The following DIP2A variants were observed in gnomAD, a reference collection of about 807,000 sequenced individuals.
DIP2A encodes DIP2 acetate--CoA ligase A.
A neutral mutation model predicts 177.4 loss-of-function variants in DIP2A; 85 were observed. That is an observed-to-expected ratio of 0.48 (90% CI 0.40 to 0.57). The LOEUF is 0.57. DIP2A is among the 20% of genes least tolerant of loss of function. The probability of loss-of-function intolerance (pLI) is 0.00; values close to 1 mark genes in which losing one functional copy is unlikely to be tolerated. For missense variants in DIP2A, 1,791 were observed against 2,100.2 expected (o/e 0.85, Z 2.88); for synonymous variants, 886 against 881.8 (o/e 1.00, Z -0.08).
intron 3 of DIP2A, among the ~76,000 whole-genome samples, chr21:46,495,143 CCCTT>C (rs1412356337): frequency 6.6e-6 from 1 of 151,768 alleles, no homozygotes; most frequent in African/African-American, 2.4e-5. Context: ...CTCCCTCCCT[CCCTT>C]CCCTCCATCC....
At position 46,549,774 on chromosome 21, in the gene DIP2A, C is replaced by T. The variant is rs535428734; in HGVS notation, c.2526C>T (p.Ile842=). 4.2e-5 allele frequency: 68 copies of T among 1,613,704 alleles called. No individual in the cohort carries two copies. Among genetic ancestry groups the T allele is most frequent in the Admixed American group, 1.2e-4 (7 of 60,026 alleles). The part of the protein sequence containing the change: ...EPMKFVYRGR[I]AVFSVTVLHD... Reference sequence around the variant, plus strand: ...ATTTCCATGTCTCATCCCGCAGGATCGCTGTGTTCTCTGTGACCGTGCTGC... The same window carrying T: ...ATTTCCATGTCTCATCCCGCAGGATTGCTGTGTTCTCTGTGACCGTGCTGC... The change falls in exon 22 of 38, where the codon ATC becomes ATT. Residue 842 remains isoleucine (I), a synonymous_variant. Coordinates refer to ENST00000417564, the MANE Select transcript of DIP2A (RefSeq NM_015151.4).
chr21:46,549,872 G>C lies in DIP2A; in HGVS notation c.2624G>C (p.Ser875Thr), dbSNP rs1471300366. 6.2e-7 allele frequency: 1 copy of C among 1,611,560 alleles called. No homozygotes were observed. Among genetic ancestry groups the C allele is most frequent in the African/African-American group, 1.3e-5 (1 of 74,940 alleles). The change falls in exon 22 of 38, where the codon AGC (serine) becomes ACC (threonine). Residue 875 changes from serine (S) to threonine (T), a missense_variant. Physicochemically the swap from Ser to Thr is moderately conservative, Grantham distance 58 (BLOSUM62 1). Coordinates refer to ENST00000417564, the MANE Select transcript of DIP2A (RefSeq NM_015151.4). ...GAGGAGGACAGCTTCCAGTGGATGA[G>C]CCGTGTGCTGCAGGTGGGCGCCCCG... ...ASEEDSFQWM[S>T]RVLQAIDSIH...
At chr21:46,461,662 T>C (rs1277365609) in intron 1 of DIP2A, among the ~76,000 whole-genome samples, 1 of 152,196 alleles carries the variant, frequency 6.6e-6, no homozygotes, top group Non-Finnish European at 1.5e-5. Flanking sequence ...GCTATTGTCA[T>C]CTTAGAGATA....
chr21:46,515,632 G>A (rs899756079), intron 8 of DIP2A, among the ~76,000 whole-genome samples: 6 of 152,004 alleles, frequency 3.9e-5, no homozygotes, highest in Non-Finnish European at 2.9e-5. Flanking sequence ...CACCCCCCAG[G>A]CTCAGGTGAT....
Position 46,515,788 on chromosome 21 carries a change from T to TC in DIP2A, c.1102+4177dup, listed in dbSNP as rs542718818. Among the ~76,000 whole-genome samples, 7 of 152,224 alleles carry TC rather than the reference T, an allele frequency of 4.6e-5. No homozygotes were observed. In the South Asian group the frequency reaches 1.4e-3, roughly 32 times the overall value. ...CCTGAGCTCAAGCAGTCTGCCGGCC[T>TC]CCCTCCCAAAGTGCTGGGATTACAG... On this transcript the variant is annotated intron_variant, in intron 8 of 37. Coordinates refer to ENST00000417564, the MANE Select transcript of DIP2A (RefSeq NM_015151.4).
intron 34 of DIP2A, among the ~76,000 whole-genome samples, chr21:46,562,835 G>A (rs1304194128): frequency 6.6e-6 from 1 of 152,180 alleles, no homozygotes; most frequent in East Asian, 1.9e-4. Context: ...GTGGGCTGCT[G>A]CACGTCCTCC....
chr21:46,519,920 G>T (rs2058751109), intron 8 of DIP2A, among the ~76,000 whole-genome samples: 2 of 126,740 alleles, frequency 1.6e-5, no homozygotes, highest in Admixed American at 9.6e-5. Flanking sequence ...TGCTGCTCAG[G>T]CTGGAGTGCA....
At chr21:46,542,187 G>GT (rs1278212997) in intron 18 of DIP2A, among the ~76,000 whole-genome samples, 1 of 152,174 alleles carries the variant, frequency 6.6e-6, no homozygotes, top group Admixed American at 6.5e-5. Context: ...TATTTGCTCA[G>GT]TTTTTTCCCT....
At chr21:46,465,232 A>G (rs938565306) in intron 1 of DIP2A, among the ~76,000 whole-genome samples, 1 of 151,986 alleles carries the variant, frequency 6.6e-6, no homozygotes, top group African/African-American at 2.4e-5. Flanking sequence ...TTCAGTAATT[A>G]TTCAGTGTCC....
At chr21:46,544,305 C>G (rs1246380716) in intron 18 of DIP2A, among the ~76,000 whole-genome samples, 6 of 152,088 alleles carry the variant, frequency 3.9e-5, no homozygotes, top group Admixed American at 3.3e-4. Flanking sequence ...CGCACATGTA[C>G]AAATTGGCCC....
At chr21:46,546,060 C>T (rs1373263774) in intron 20 of DIP2A, 99 bp downstream of exon 20, 1 of 1,588,452 alleles carries the variant, frequency 6.3e-7, no homozygotes, top group Non-Finnish European at 8.6e-7. Context: ...CTGGCCGTTC[C>T]TGACCTCCCA....
chr21:46,553,081 G>A (rs1011501716), intron 25 of DIP2A: 12 of 152,418 alleles, frequency 7.9e-5, no homozygotes, highest in African/African-American at 2.9e-4. Context: ...GGGGGTCGCT[G>A]GGTTTTCCCT....
At chr21:46,459,438 C>A (rs1222823779) in intron 1 of DIP2A, among the ~76,000 whole-genome samples, 2 of 149,998 alleles carry the variant, frequency 1.3e-5, no homozygotes, top group African/African-American at 4.9e-5. Context: ...AGACACCGTT[C>A]CTCAACCCTA....
chr21:46,507,438 G>T (rs1311130931), intron 6 of DIP2A, among the ~76,000 whole-genome samples: 1 of 152,110 alleles, frequency 6.6e-6, no homozygotes, highest in African/African-American at 2.4e-5. Flanking sequence ...TGGGTATTCA[G>T]TTGTTCTAGC....
At chr21:46,581,155 T>C in the DIP2A span, among the ~76,000 whole-genome samples, 1 of 152,238 alleles carries the variant, frequency 6.6e-6, no homozygotes, top group African/African-American at 2.4e-5. Context: ...TTCATTCTTT[T>C]TTCTTTAATC....
intron 5 of DIP2A, among the ~76,000 whole-genome samples, chr21:46,499,230 T>G (rs2057522735): frequency 6.6e-6 from 1 of 152,178 alleles, no homozygotes; most frequent in African/African-American, 2.4e-5. Flanking sequence ...AATTTGGCAG[T>G]CCTAGTCCTT....
rs370197626 is a variant in DIP2A, at chr21:46,567,336, T to C, written c.4464-34T>C. 1.9e-6 allele frequency: 3 copies of C among 1,594,498 alleles called. No individual in the cohort carries two copies. In the African/African-American group the frequency reaches 4.0e-5, roughly 21 times the overall value. On this transcript the variant is annotated intron_variant, in intron 37 of 37. Coordinates refer to ENST00000417564, the MANE Select transcript of DIP2A (RefSeq NM_015151.4). ...CATTGGCCCCTGTGACCTGTGCCTG[T>C]ATCCATGTGACCCAGTCTGTCTTCT...
At chr21:46,495,240 TTCTTTCTCTCTCTCTCTC>T (rs2057272606) in intron 3 of DIP2A, among the ~76,000 whole-genome samples, 11 of 47,916 alleles carry the variant, frequency 2.3e-4, no homozygotes, top group African/African-American at 1.3e-3. Flanking sequence ...TTCTCTTCTC[TTCTTTCTCTCTCTCTCTC>T]TCTCTCTCTC....
In DIP2A at chr21:46,567,599, A is replaced by G; in HGVS notation, c.4693A>G (p.Ile1565Val). 6.2e-7 allele frequency: 1 copy of G among 1,605,588 alleles called. No homozygotes were observed. The highest frequency in any genetic ancestry group is 8.5e-7 in the Non-Finnish European group (1 of 1,175,176). Residue 1565 changes from isoleucine to valine, a missense_variant, in exon 38 of 38, where the codon ATC becomes GTC. Coordinates refer to ENST00000417564, the MANE Select transcript of DIP2A (RefSeq NM_015151.4). Reference sequence around the variant, plus strand: ...CTTCCTGGCTGACCAGCTGGACCCCATCTATGTCGCCTACAACATGTGAGC... The same window carrying G: ...CTTCCTGGCTGACCAGCTGGACCCCGTCTATGTCGCCTACAACATGTGAGC... The part of the protein sequence containing the change: ...DGFLADQLDP[I>V]YVAYNM
Sources: allele counts gnomAD v4.1 joint callset (sites outside exome capture counted in the v4.1 genomes callset), GRCh38; gene constraint gnomAD v4.1.1; transcripts MANE v1.5; gene names NCBI Gene and HGNC (gene_info 2026-07-23, HGNC 2026-07-21).